Variants in GPC6 observed in about 807,000 individuals in gnomAD.
The protein encoded by GPC6 is glypican 6, also known as glypican-6.
In GPC6, 14 loss-of-function variants were observed where a neutral mutation model predicts 55.2. The ratio of observed to expected loss-of-function variants is 0.25; its 90% CI spans 0.17 to 0.40. GPC6 has a LOEUF of 0.40. GPC6 is among the 10% of genes least tolerant of loss of function. The probability of loss-of-function intolerance (pLI) is 1.00; values close to 1 mark genes in which losing one functional copy is unlikely to be tolerated. For synonymous variants in GPC6, 278 were observed against 259.6 expected (o/e 1.07, Z -0.68); for missense variants, 641 against 708.5 (o/e 0.90, Z 1.08).
intron 2 of GPC6, among the ~76,000 whole-genome samples, chr13:93,572,281 G>C (rs1375570175): frequency 6.6e-6 from 1 of 152,100 alleles, no homozygotes; most frequent in East Asian, 1.9e-4. Context: ...TTTAACTTGT[G>C]GGAGAGTTAA....
At chr13:93,390,779 CT>C (rs1875598469) in intron 1 of GPC6, among the ~76,000 whole-genome samples, 2 of 143,082 alleles carry the variant, frequency 1.4e-5, no homozygotes, top group African/African-American at 5.2e-5. Context: ...GTTTTTTTTT[CT>C]TTTTGTTTAA....
chr13:94,267,529 C>T (rs918049767), intron 4 of GPC6, among the ~76,000 whole-genome samples: 5 of 152,146 alleles, frequency 3.3e-5, no homozygotes, highest in Admixed American at 2.0e-4. Context: ...TAGCCTTTCT[C>T]AGAATAGTCT....
intron 1 of GPC6, among the ~76,000 whole-genome samples, chr13:93,377,931 A>C (rs1200763486): frequency 6.6e-6 from 1 of 152,214 alleles, no homozygotes; most frequent in African/African-American, 2.4e-5. Context: ...ATTTTAATTC[A>C]AGTAAATCGG....
At chr13:93,237,232 AT>A (rs1876267396) in intron 1 of GPC6, among the ~76,000 whole-genome samples, 1 of 152,026 alleles carries the variant, frequency 6.6e-6, no homozygotes, top group South Asian at 2.1e-4. Context: ...ATCAACATCT[AT>A]TGTTTTTTGA....
intron 1 of GPC6, among the ~76,000 whole-genome samples, chr13:93,251,082 A>G (rs1876772326): frequency 6.6e-6 from 1 of 152,176 alleles, no homozygotes; most frequent in Admixed American, 6.5e-5. Context: ...AACCATCCCC[A>G]TGATTCAGTT....
chr13:93,564,867 G>A (rs933007587), intron 2 of GPC6, among the ~76,000 whole-genome samples: 10 of 152,084 alleles, frequency 6.6e-5, no homozygotes, highest in African/African-American at 2.4e-4. Context: ...AATACCCTAA[G>A]TCTATTTGTT....
At chr13:94,064,722 A>G (rs560349644) in intron 4 of GPC6, among the ~76,000 whole-genome samples, 19 of 152,232 alleles carry the variant, frequency 1.2e-4, no homozygotes, top group African/African-American at 3.8e-4. Context: ...ACTCAAATCT[A>G]GGGCATTAAA....
chr13:93,922,483 T>G (rs1229954939), intron 3 of GPC6, among the ~76,000 whole-genome samples: 1 of 152,174 alleles, frequency 6.6e-6, no homozygotes. Flanking sequence ...AACTTGGCAC[T>G]GTTGTCATTT....
At chr13:93,471,154 T>C (rs1879095996) in intron 1 of GPC6, among the ~76,000 whole-genome samples, 1 of 152,150 alleles carries the variant, frequency 6.6e-6, no homozygotes, top group South Asian at 2.1e-4. Context: ...ACTTGCTTTG[T>C]GTTTATTTTG....
At chr13:94,080,873 G>A (rs1885072927) in intron 4 of GPC6, among the ~76,000 whole-genome samples, 1 of 152,126 alleles carries the variant, frequency 6.6e-6, no homozygotes, top group Non-Finnish European at 1.5e-5. Context: ...TATGAATTTT[G>A]GAAGGATACA....
At chr13:93,870,649 T>C (rs1889102093) in intron 3 of GPC6, among the ~76,000 whole-genome samples, 1 of 151,800 alleles carries the variant, frequency 6.6e-6, no homozygotes, top group Non-Finnish European at 1.5e-5. Flanking sequence ...ATGGAGATGT[T>C]AGGGTTAGTC....
chr13:93,732,625 G>T (rs1038959917), intron 2 of GPC6, among the ~76,000 whole-genome samples: 1 of 152,050 alleles, frequency 6.6e-6, no homozygotes, highest in African/African-American at 2.4e-5. Context: ...ACTTATTAAA[G>T]GCATAAGTAG....
At chr13:93,303,101 TG>T (rs1202701759) in intron 1 of GPC6, among the ~76,000 whole-genome samples, 1 of 152,226 alleles carries the variant, frequency 6.6e-6, no homozygotes, top group Non-Finnish European at 1.5e-5. Flanking sequence ...ATAAGTTCTT[TG>T]TATGACTTCC....
intron 4 of GPC6, among the ~76,000 whole-genome samples, chr13:94,083,413 C>T (rs570144870): frequency 3.3e-5 from 5 of 152,302 alleles, no homozygotes; most frequent in East Asian, 1.9e-4. Context: ...CCACTGCACC[C>T]GGCCAGGTTT....
At chr13:93,231,933 T>G (rs1241482431) in intron 1 of GPC6, among the ~76,000 whole-genome samples, 1 of 152,206 alleles carries the variant, frequency 6.6e-6, no homozygotes, top group East Asian at 1.9e-4. Flanking sequence ...ATCAAGTATT[T>G]ATCTAAAAAT....
intron 4 of GPC6, among the ~76,000 whole-genome samples, chr13:94,107,793 A>G (rs1886109912): frequency 6.6e-6 from 1 of 152,156 alleles, no homozygotes; most frequent in Non-Finnish European, 1.5e-5. Flanking sequence ...AAAAATGCTC[A>G]ACATCACTAA....
At chr13:94,133,953 C>T (rs1887095537) in intron 4 of GPC6, among the ~76,000 whole-genome samples, 1 of 152,000 alleles carries the variant, frequency 6.6e-6, no homozygotes. Flanking sequence ...CAGAGAGCCA[C>T]ACTAAAAAAC....
chr13:94,110,273 A>G (rs77067652), intron 4 of GPC6, among the ~76,000 whole-genome samples: 5,428 of 152,094 alleles, frequency 0.036, 350 homozygotes, highest in African/African-American at 0.12. Flanking sequence ...GATGAGATCA[A>G]GAAGGGCCAG....
At chr13:93,709,384 C>A (rs1882973352) in intron 2 of GPC6, among the ~76,000 whole-genome samples, 1 of 151,748 alleles carries the variant, frequency 6.6e-6, no homozygotes, top group African/African-American at 2.4e-5. Flanking sequence ...CTGGTTAACA[C>A]CCTCTTGGTA....
Sources: gnomAD v4.1 joint callset for allele counts (sites outside exome capture counted in the v4.1 genomes callset) on GRCh38, gnomAD v4.1.1 for gene constraint, MANE v1.5 for transcripts, NCBI Gene and HGNC (gene_info 2026-07-23, HGNC 2026-07-21) for gene names.